GNB1L: variants seen among roughly 807,000 people sequenced by gnomAD.
GNB1L encodes the protein G protein subunit beta 1 like, also known as guanine nucleotide-binding protein subunit beta-like protein 1.
A neutral mutation model predicts 29.1 loss-of-function variants in GNB1L; 20 were observed. The observed-to-expected ratio is 0.69, with a 90% confidence interval of 0.48 to 1.00. The LOEUF (loss-of-function observed/expected upper bound fraction) is 1.00, where lower values mean the gene tolerates loss of function less well. Ranked by LOEUF, GNB1L falls within the 50% of genes least tolerant of loss-of-function variation. The probability of loss-of-function intolerance (pLI) is 0.00; values close to 1 mark genes in which losing one functional copy is unlikely to be tolerated. For missense variants in GNB1L, 421 were observed against 464.9 expected (o/e 0.91, Z 0.87); for synonymous variants, 193 against 206.5 (o/e 0.93, Z 0.56).
Position 19,785,740 on chromosome 22 carries a change from C to A in GNB1L, c.*2969G>T, listed in dbSNP as rs9618687. 0.021 allele frequency: 3,245 copies of A among 152,378 alleles called. 99 individuals carry two copies. The highest frequency in any genetic ancestry group is 0.068 in the African/African-American group (2,817 of 41,560). 9.4% of individuals were successfully genotyped at this position (152,378 alleles called of 1,614,324 possible). A position where few individuals can be genotyped will look rare whatever the true frequency, so the allele number is the denominator to read the frequency against. ...ATGCCTTCACTGCTGGCTCTGTTGG[C>A]GTTCCTGCCAGCCTACAGGAAGTGG... is the stretch of plus-strand genomic sequence containing the variant. On this transcript the variant is annotated 3_prime_UTR_variant, in exon 8 of 8. Transcript: ENST00000329517. The surrounding 1 kb of genome is among the most constrained non-coding windows in gnomAD (Gnocchi z 4.1).
intron 2 of GNB1L, among the ~76,000 whole-genome samples, chr22:19,844,165 A>T (rs75678200): frequency 6.6e-6 from 1 of 152,166 alleles, no homozygotes; most frequent in African/African-American, 2.4e-5. Flanking sequence ...CCCCTTCCAG[A>T]TAGGCCCTGC....
At chr22:19,811,269 G>A (rs1037012259) in intron 5 of GNB1L, among the ~76,000 whole-genome samples, 4 of 152,216 alleles carry the variant, frequency 2.6e-5, no homozygotes, top group Admixed American at 6.5e-5. Context: ...AAGCCCAACT[G>A]TGCGTGGGGG....
intron 2 of GNB1L, chr22:19,848,325 G>C: frequency 1.0e-6 from 1 of 985,470 alleles, no homozygotes; most frequent in South Asian, 4.7e-5. Flanking sequence ...AGGCTCTGCA[G>C]CTCCTGAGCA....
intron 2 of GNB1L, among the ~76,000 whole-genome samples, chr22:19,841,582 C>T (rs1478738206): frequency 6.6e-6 from 1 of 152,146 alleles, no homozygotes; most frequent in African/African-American, 2.4e-5. Flanking sequence ...GTTAAGGCTG[C>T]AGTGAGCTAT....
chr22:19,792,240 G>C, intron 7 of GNB1L: 1 of 619,354 alleles, frequency 1.6e-6, no homozygotes, highest in South Asian at 2.0e-5. Flanking sequence ...AGACTTTAAA[G>C]AAACTCCTTA....
intron 2 of GNB1L, chr22:19,848,756 C>T (rs1025794214): frequency 1.0e-6 from 1 of 985,384 alleles, no homozygotes; most frequent in African/African-American, 1.7e-5. Flanking sequence ...TGCCTGGGTC[C>T]CAAGGGCACA....
At chr22:19,838,726 T>C (rs1030474469) in intron 2 of GNB1L, among the ~76,000 whole-genome samples, 2 of 152,208 alleles carry the variant, frequency 1.3e-5, no homozygotes, top group African/African-American at 4.8e-5. Context: ...CCCAAAGTGC[T>C]GGGATTACAG....
At chr22:19,812,560 G>A in intron 4 of GNB1L, 113 bp from the exon 5 acceptor site, 1 of 1,026,938 alleles carries the variant, frequency 9.7e-7, no homozygotes, top group Non-Finnish European at 1.4e-6. Flanking sequence ...GGTGCCGTGA[G>A]CTTGGATCAT....
chr22:19,797,483 T>C (rs2269726), intron 7 of GNB1L, among the ~76,000 whole-genome samples: 60,299 of 152,072 alleles, frequency 0.4, 12,408 homozygotes, highest in East Asian at 0.58. Flanking sequence ...CTGTATGAGT[T>C]GGAGAGATGC....
At chr22:19,853,004 GCGT>G (rs1938146078) in intron 2 of GNB1L, among the ~76,000 whole-genome samples, 1 of 152,156 alleles carries the variant, frequency 6.6e-6, no homozygotes. Flanking sequence ...CGCACAGACC[GCGT>G]CGTCATTAGG....
At chr22:19,808,434 G>A (rs1288503261) in intron 5 of GNB1L, among the ~76,000 whole-genome samples, 2 of 152,204 alleles carry the variant, frequency 1.3e-5, no homozygotes, top group Non-Finnish European at 2.9e-5. Flanking sequence ...CTCAGTGATG[G>A]TGAGACCAGG....
chr22:19,815,999 G>T (rs934266553), intron 4 of GNB1L, among the ~76,000 whole-genome samples: 23 of 152,198 alleles, frequency 1.5e-4, no homozygotes, highest in African/African-American at 5.6e-4. Flanking sequence ...GCACACAGGT[G>T]AGCCTCTCAC....
intron 7 of GNB1L, among the ~76,000 whole-genome samples, chr22:19,794,764 C>T (rs1013305299): frequency 6.6e-6 from 1 of 152,126 alleles, no homozygotes; most frequent in African/African-American, 2.4e-5. Flanking sequence ...AGACGGATCA[C>T]GAGGTCAAGA....
In GNB1L at chr22:19,846,564, C is replaced by T. The variant is rs546430600; in HGVS notation, c.-21+7879G>A. 89 of 985,440 alleles carry T rather than the reference C, an allele frequency of 9.0e-5. No homozygotes were observed. The South Asian group carries it at 3.2e-3, about 36-fold the overall frequency. 61.0% of individuals were successfully genotyped at this position (985,440 alleles called of 1,614,324 possible). On this transcript the variant is annotated intron_variant, in intron 2 of 7. Coordinates refer to ENST00000329517, the MANE Select transcript of GNB1L (RefSeq NM_053004.3). ...AAGACAAAACCAGAGAAGCCTATCG[C>T]GGGCACCGCTGTGGGCAGAACTATG...
At position 19,820,675 on chromosome 22, in the gene GNB1L, C is replaced by G. The variant is rs776216882; in HGVS notation, c.177G>C (p.Ala59=). 6 of 1,613,478 alleles carry G rather than the reference C, an allele frequency of 3.7e-6. No homozygotes were observed. The East Asian group carries it at 1.1e-4, about 30-fold the overall frequency. Residue 59 remains alanine, a synonymous_variant, in exon 4 of 8, where the codon GCG becomes GCC. Transcript: ENST00000329517. ...CGCCGTGGCCATCCAGGGTGGTAAC[C>G]GCTCTCCGCGTCTGCAGGCTCCAGA... is the stretch of plus-strand genomic sequence containing the variant. The part of the protein sequence containing the change: ...VHIWSLQTRR[A]VTTLDGHGGQ...
chr22:19,816,731 A>G lies in GNB1L; in HGVS notation c.254+3867T>C, dbSNP rs1447710017. Among the ~76,000 whole-genome samples, 1 of 151,696 alleles carries G rather than the reference A, an allele frequency of 6.6e-6. No homozygotes were observed. The highest frequency in any genetic ancestry group is 2.4e-5 in the African/African-American group (1 of 41,258). ...ACACACAACACACAGGTTCTTTCTC[A>G]CCTTCCCCCTTCTCGTGTCTGTAAC... On this transcript the variant is annotated intron_variant, in intron 4 of 7. Coordinates refer to ENST00000329517, the MANE Select transcript of GNB1L (RefSeq NM_053004.3). The surrounding 1 kb of genome is among the most constrained non-coding windows in gnomAD (Gnocchi z 4.4).
At chr22:19,823,132 G>A (rs563918447) in intron 2 of GNB1L, among the ~76,000 whole-genome samples, 1 of 152,364 alleles carries the variant, frequency 6.6e-6, no homozygotes, top group Non-Finnish European at 1.5e-5. Context: ...TCTCTCAAGG[G>A]GTTCCGAAGA....
intron 2 of GNB1L, among the ~76,000 whole-genome samples, chr22:19,832,519 A>G (rs1215085371): frequency 6.6e-6 from 1 of 152,174 alleles, no homozygotes; most frequent in African/African-American, 2.4e-5. Context: ...ACCAGGCAGC[A>G]GTGGCTAAAA....
intron 2 of GNB1L, chr22:19,847,824 AAT>A: frequency 1.1e-6 from 1 of 912,390 alleles, no homozygotes; most frequent in Non-Finnish European, 1.3e-6. Context: ...AAAAAAAAAA[AAT>A]TCACCCATAT....
Sources: gnomAD v4.1 joint callset for allele counts (sites outside exome capture counted in the v4.1 genomes callset) on GRCh38, gnomAD v4.1.1 for gene constraint, Gnocchi (gnomAD v3.1) non-coding constraint, MANE v1.5 for transcripts, NCBI Gene and HGNC (gene_info 2026-07-23, HGNC 2026-07-21) for gene names.